The following FMN1 variants were observed in gnomAD, a reference collection of about 807,000 sequenced individuals.
FMN1 encodes formin 1, also known as formin-1.
FMN1 carries 110 observed loss-of-function variants against 132.4 expected under a neutral mutation model. The ratio of observed to expected loss-of-function variants is 0.83; its 90% confidence interval spans 0.71 to 0.97. The LOEUF (loss-of-function observed/expected upper bound fraction) is 0.97. Among genes scored for constraint, FMN1 ranks in the 50% least tolerant of loss-of-function variants. The pLI is 0.00. For missense variants in FMN1, 1,792 were observed against 1,705.3 expected (o/e 1.05, Z -0.90); for synonymous variants, 722 against 651.7 (o/e 1.11, Z -1.64).
intron 5 of FMN1, among the ~76,000 whole-genome samples, chr15:33,069,757 G>A (rs2037911757): frequency 6.6e-6 from 1 of 152,122 alleles, no homozygotes. Flanking sequence ...TTGATCTTGT[G>A]TTTTAAACAG....
intron 4 of FMN1, among the ~76,000 whole-genome samples, chr15:33,128,838 G>C (rs12439207): frequency 1.3e-5 from 2 of 152,036 alleles, no homozygotes; most frequent in East Asian, 1.9e-4. Context: ...TCCGCAATGC[G>C]GAAGACAACC....
chr15:32,989,033 A>T (rs936197262), intron 7 of FMN1, among the ~76,000 whole-genome samples: 8 of 152,202 alleles, frequency 5.3e-5, no homozygotes, highest in Non-Finnish European at 2.9e-5. Flanking sequence ...AATATCTTTT[A>T]AAAAACCTTC....
At chr15:32,818,332 G>A (rs2058112270) in intron 17 of FMN1, among the ~76,000 whole-genome samples, 1 of 151,988 alleles carries the variant, frequency 6.6e-6, no homozygotes, top group Non-Finnish European at 1.5e-5. Flanking sequence ...TTATTTCAAA[G>A]TGAGTATGGA....
chr15:32,937,204 CCT>C (rs1322897982), intron 9 of FMN1, among the ~76,000 whole-genome samples: 3 of 152,154 alleles, frequency 2.0e-5, no homozygotes, highest in African/African-American at 4.8e-5. Flanking sequence ...GGCATCTTTC[CCT>C]GTTAGCTCTT....
At chr15:33,082,102 T>TGTGTGTGTGTGTGTG (rs2038501302) in intron 5 of FMN1, among the ~76,000 whole-genome samples, 1 of 132,338 alleles carries the variant, frequency 7.6e-6, no homozygotes, top group South Asian at 2.8e-4. Context: ...AATGTGTGTG[T>TGTGTGTGTGTGTGTG]GTGTGTGTGT....
chr15:33,117,326 C>T (rs956793475), intron 4 of FMN1, among the ~76,000 whole-genome samples: 1 of 152,170 alleles, frequency 6.6e-6, no homozygotes, highest in African/African-American at 2.4e-5. Context: ...AGAAATTCCA[C>T]ATCTCCTTAA....
At chr15:32,824,648 C>G (rs1294939201) in intron 17 of FMN1, among the ~76,000 whole-genome samples, 2 of 152,144 alleles carry the variant, frequency 1.3e-5, no homozygotes, top group Admixed American at 1.3e-4. Flanking sequence ...GGCTGGAGCA[C>G]AGTGGTGCAA....
intron 16 of FMN1, among the ~76,000 whole-genome samples, chr15:32,882,322 C>T (rs1317362686): frequency 6.6e-6 from 1 of 152,192 alleles, no homozygotes; most frequent in East Asian, 1.9e-4. Flanking sequence ...AGCAAAGTAA[C>T]TTCCACTTCC....
intron 4 of FMN1, among the ~76,000 whole-genome samples, chr15:33,144,333 A>C (rs1473202215): frequency 2.0e-5 from 3 of 152,154 alleles, no homozygotes; most frequent in Non-Finnish European, 4.4e-5. Context: ...ATTAATGCAA[A>C]TTAGGTAGAA....
At chr15:33,143,902 C>T (rs1002741551) in intron 4 of FMN1, among the ~76,000 whole-genome samples, 3 of 152,124 alleles carry the variant, frequency 2.0e-5, no homozygotes, top group Admixed American at 6.5e-5. Context: ...ACAGAAGAAT[C>T]GCTGAGTTAA....
chr15:32,918,879 T>C (rs1489525259), intron 10 of FMN1, among the ~76,000 whole-genome samples: 2 of 152,094 alleles, frequency 1.3e-5, no homozygotes, highest in African/African-American at 4.8e-5. Flanking sequence ...GAATGCAGAA[T>C]GGTTTAGAAA....
At chr15:33,021,529 C>A (rs2035416519) in intron 6 of FMN1, among the ~76,000 whole-genome samples, 1 of 151,992 alleles carries the variant, frequency 6.6e-6, no homozygotes, top group Non-Finnish European at 1.5e-5. Context: ...GTTTAATACT[C>A]AAAAAATTAG....
Position 32,826,780 on chromosome 15 carries a change from G to A in FMN1, c.3929-22448C>T, listed in dbSNP as rs550798467. ...ACACTATCATTACAATATTCCAGGC[G>A]GCTTCCAGATAGCATCTTAGCTGTG... On this transcript the variant is annotated intron_variant, in intron 17 of 20. Coordinates refer to ENST00000616417, the MANE Select transcript of FMN1 (RefSeq NM_001277313.2). Among the ~76,000 whole-genome samples the A allele has an allele frequency of 5.9e-5, 9 of 152,238 alleles. No homozygotes were observed. In the East Asian group the frequency reaches 1.7e-3, roughly 29 times the overall value.
intron 4 of FMN1, among the ~76,000 whole-genome samples, chr15:33,094,505 A>G (rs1258648632): frequency 1.3e-5 from 2 of 152,206 alleles, no homozygotes; most frequent in African/African-American, 2.4e-5. Context: ...AAATCTGTTC[A>G]TGTTCCAAAA....
Position 33,154,063 on chromosome 15 carries a change from C to T in FMN1, c.852G>A (p.Pro284=), listed in dbSNP as rs571151574. The T allele has an allele frequency of 2.7e-5, 42 of 1,536,070 alleles. No homozygotes were observed. In the East Asian group the frequency reaches 3.9e-4, roughly 14 times the overall value. ...TEAGGDGIRR[P]PSGLEHQQTG... The stretch of plus-strand genomic sequence containing the variant: ...TTTGCTGATGCTCCAGCCCGCTCGG[C>T]GGCCTCCGAATGCCATCCCCTCCTG... The change falls in exon 4 of 21, where the codon CCG becomes CCA. Residue 284 remains proline, a synonymous_variant. Transcript: ENST00000616417.
At chr15:32,958,415 T>TA (rs1287252143) in intron 9 of FMN1, among the ~76,000 whole-genome samples, 3 of 152,194 alleles carry the variant, frequency 2.0e-5, no homozygotes, top group Non-Finnish European at 2.9e-5. Flanking sequence ...TACAAACCCC[T>TA]ACAAGTCACT....
At chr15:32,972,537 A>G (rs894047318) in intron 7 of FMN1, among the ~76,000 whole-genome samples, 2 of 152,152 alleles carry the variant, frequency 1.3e-5, no homozygotes, top group Non-Finnish European at 2.9e-5. Context: ...ACATTTGTTA[A>G]GAGTTGACTG....
At chr15:32,837,275 C>T (rs1184342820) in intron 17 of FMN1, 1 of 213,136 alleles carries the variant, frequency 4.7e-6, no homozygotes, top group East Asian at 1.1e-4. Flanking sequence ...AGTCAAACTT[C>T]TACTCTTTGT....
intron 17 of FMN1, among the ~76,000 whole-genome samples, chr15:32,813,434 A>T (rs1171956948): frequency 6.6e-6 from 1 of 152,110 alleles, no homozygotes; most frequent in Non-Finnish European, 1.5e-5. Flanking sequence ...TTTTTTCCCA[A>T]TATATTTTCA....
Sources: allele counts gnomAD v4.1 joint callset (sites outside exome capture counted in the v4.1 genomes callset), GRCh38; gene constraint gnomAD v4.1.1; transcripts MANE v1.5; gene names NCBI Gene and HGNC (gene_info 2026-07-23, HGNC 2026-07-21).